Variants in ADARB2 observed in about 807,000 individuals in gnomAD.
ADARB2 encodes the protein inactive double-stranded RNA-specific editase B2.
Under a neutral mutation model 62.2 loss-of-function variants are expected in ADARB2, and 25 were observed. That is an observed-to-expected ratio of 0.40 (90% confidence interval 0.29 to 0.56). ADARB2 has a LOEUF of 0.56. Ranked by LOEUF, ADARB2 falls within the 20% of genes least tolerant of loss-of-function variation. The pLI is 0.43. For synonymous variants in ADARB2, 572 were observed against 500.8 expected, an observed-to-expected ratio of 1.14 and a Z score of -1.90; for missense variants, 1,071 against 1,077.4, an observed-to-expected ratio of 0.99 and a Z score of 0.08.
At chr10:1,590,012 G>T (rs1192490165) in intron 1 of ADARB2, among the ~76,000 whole-genome samples, 1 of 152,238 alleles carries the variant, frequency 6.6e-6, no homozygotes, top group Non-Finnish European at 1.5e-5. Flanking sequence ...CTGTGGGCTG[G>T]CCTTGCTGGA....
At chr10:1,248,173 A>G (rs576154898) in intron 4 of ADARB2, among the ~76,000 whole-genome samples, 2 of 152,148 alleles carry the variant, frequency 1.3e-5, no homozygotes, top group African/African-American at 2.4e-5. Context: ...AGCTGACCAA[A>G]CAGGAAGCTC....
intron 1 of ADARB2, among the ~76,000 whole-genome samples, chr10:1,577,122 C>T (rs1472183949): frequency 6.6e-6 from 1 of 152,204 alleles, no homozygotes; most frequent in Non-Finnish European, 1.5e-5. Context: ...TGGGGTGGCT[C>T]AGACACAGCA....
chr10:1,482,310 C>G (rs1831484736), intron 1 of ADARB2, among the ~76,000 whole-genome samples: 1 of 152,134 alleles, frequency 6.6e-6, no homozygotes, highest in African/African-American at 2.4e-5. Context: ...TTCACAACAG[C>G]CAAAAGGTAG....
intron 3 of ADARB2, among the ~76,000 whole-genome samples, chr10:1,354,977 C>G (rs555636842): frequency 6.6e-6 from 1 of 152,326 alleles, no homozygotes; most frequent in Non-Finnish European, 1.5e-5. Context: ...GGCAGTGGAG[C>G]CCCTGCAGGC....
At chr10:1,510,110 C>CTTTCTTTCTTTCTTTTT (rs1289777469) in intron 1 of ADARB2, among the ~76,000 whole-genome samples, 28 of 106,252 alleles carry the variant, frequency 2.6e-4, no homozygotes, top group African/African-American at 9.4e-4. Context: ...CTTTCTTTCT[C>CTTTCTTTCTTTCTTTTT]TCTTTCTTTC....
chr10:1,725,489 G>T (rs1043960318), intron 1 of ADARB2, among the ~76,000 whole-genome samples: 2 of 152,116 alleles, frequency 1.3e-5, no homozygotes, highest in African/African-American at 4.8e-5. Flanking sequence ...AGGAAGAGAC[G>T]CCCAGGACTC....
chr10:1,716,838 GA>G (rs2119158890), intron 1 of ADARB2, among the ~76,000 whole-genome samples: 2 of 152,174 alleles, frequency 1.3e-5, no homozygotes, highest in African/African-American at 4.8e-5. Context: ...CTATACTGTA[GA>G]GAAGATCTAC....
intron 1 of ADARB2, among the ~76,000 whole-genome samples, chr10:1,727,116 T>C (rs551348379): frequency 6.6e-6 from 1 of 152,324 alleles, no homozygotes; most frequent in East Asian, 1.9e-4. Flanking sequence ...ACAGGGCGCT[T>C]TGTAAATGTA....
chr10:1,304,860 G>A, intron 3 of ADARB2, among the ~76,000 whole-genome samples: 1 of 148,336 alleles, frequency 6.7e-6, no homozygotes, highest in Admixed American at 6.8e-5. Context: ...CAGAATCTCT[G>A]GGACGCATTC....
chr10:1,206,833 C>G (rs1157452154), intron 7 of ADARB2, among the ~76,000 whole-genome samples: 1 of 152,176 alleles, frequency 6.6e-6, no homozygotes, highest in East Asian at 1.9e-4. Flanking sequence ...TCTTACCTTG[C>G]AGATGGTGCG....
chr10:1,552,007 T>G (rs1588299219), intron 1 of ADARB2, among the ~76,000 whole-genome samples: 1 of 152,026 alleles, frequency 6.6e-6, no homozygotes, highest in Admixed American at 6.5e-5. Flanking sequence ...CGGCTCCAGG[T>G]GGCCTCCTGC....
chr10:1,510,134 T>TTCTTTCTTTCTC (rs1831913931), intron 1 of ADARB2, among the ~76,000 whole-genome samples: 1 of 137,896 alleles, frequency 7.3e-6, no homozygotes, highest in Non-Finnish European at 1.5e-5. Flanking sequence ...CTTTCTTTCT[T>TTCTTTCTTTCTC]TCTTTCTTTC....
intron 1 of ADARB2, among the ~76,000 whole-genome samples, chr10:1,649,186 A>T (rs191661514): frequency 6.6e-6 from 1 of 152,216 alleles, no homozygotes; most frequent in East Asian, 1.9e-4. Flanking sequence ...ATTTGCTTGT[A>T]TGGAATGAAA....
At chr10:1,604,054 C>T (rs1348733975) in intron 1 of ADARB2, among the ~76,000 whole-genome samples, 4 of 152,162 alleles carry the variant, frequency 2.6e-5, no homozygotes, top group Admixed American at 6.5e-5. Flanking sequence ...ATCCACCCAC[C>T]TCGGCCTCCC....
intron 1 of ADARB2, among the ~76,000 whole-genome samples, chr10:1,454,176 T>C (rs1257029466): frequency 6.6e-6 from 1 of 152,090 alleles, no homozygotes; most frequent in East Asian, 1.9e-4. Flanking sequence ...AACTGCCCTT[T>C]ATTAAACCAT....
chr10:1,439,523 CG>C (rs1564289451), intron 1 of ADARB2, among the ~76,000 whole-genome samples: 2,065 of 91,464 alleles, frequency 0.023, 187 homozygotes, highest in East Asian at 0.063. Flanking sequence ...AGGCCCTTCA[CG>C]ATGGGGCTCC....
At chr10:1,414,093 G>A (rs929347956) in intron 1 of ADARB2, among the ~76,000 whole-genome samples, 3 of 152,166 alleles carry the variant, frequency 2.0e-5, no homozygotes, top group Non-Finnish European at 4.4e-5. Context: ...CTCGGCTCAG[G>A]GGGCTGCCCT....
intron 4 of ADARB2, among the ~76,000 whole-genome samples, chr10:1,243,668 G>A (rs552611749): frequency 1.6e-4 from 25 of 152,328 alleles, no homozygotes; most frequent in African/African-American, 6.0e-4. Context: ...GGGAGGGACC[G>A]AGCACTGGGG....
intron 1 of ADARB2, among the ~76,000 whole-genome samples, chr10:1,581,554 G>A: frequency 6.6e-6 from 1 of 152,158 alleles, no homozygotes; most frequent in Non-Finnish European, 1.5e-5. Context: ...CCTGTAGAAT[G>A]GAACAACAGT....
Sources: allele counts gnomAD v4.1 joint callset (sites outside exome capture counted in the v4.1 genomes callset), GRCh38; gene constraint gnomAD v4.1.1; transcripts MANE v1.5; gene names NCBI Gene and HGNC (gene_info 2026-07-23, HGNC 2026-07-21).